The following IFI27 variants were observed in gnomAD, a reference collection of about 807,000 sequenced individuals.
The protein encoded by IFI27 is interferon alpha inducible protein 27.
A neutral mutation model predicts 8.9 loss-of-function variants in IFI27; 3 were observed. The observed-to-expected ratio is 0.34, with a 90% CI of 0.15 to 0.87. The LOEUF is 0.87. Ranked by LOEUF, IFI27 falls within the 40% of genes least tolerant of loss-of-function variation. The pLI, the probability that IFI27 is intolerant of heterozygous loss-of-function variation, is 0.51. For missense variants in IFI27, 152 were observed against 157.7 expected (o/e 0.96, Z 0.19); for synonymous variants, 66 against 67.3 (o/e 0.98, Z 0.09).
upstream of IFI27, among the ~76,000 whole-genome samples, chr14:94,109,936 G>A (rs1381555699): frequency 2.0e-5 from 3 of 152,210 alleles, no homozygotes; most frequent in Non-Finnish European, 4.4e-5. Context: ...CCCCAAAAAG[G>A]TATAGATGAT....
chr14:94,115,212 G>A (rs893661661), intron 3 of IFI27: 2 of 630,692 alleles, frequency 3.2e-6, no homozygotes, highest in East Asian at 3.3e-5. Context: ...GAAAAGGCTG[G>A]TAATGCCCAT....
rs921243716 is a variant in IFI27 at position 94,111,392 on chromosome 14, G to GC, written c.-58-227dup. Among the ~76,000 whole-genome samples the GC allele has an allele frequency of 5.9e-5, 9 of 152,126 alleles. No individual in the cohort carries two copies. Among genetic ancestry groups the GC allele is most frequent in the African/African-American group, 2.2e-4 (9 of 41,410 alleles). Reference sequence around the variant, plus strand: ...TGGGACTTTCAGGAGAAAGAAAGCAGCCCCCCTGGGGAAATAAAGTCCCTC... The same window carrying GC: ...TGGGACTTTCAGGAGAAAGAAAGCAGCCCCCCCTGGGGAAATAAAGTCCCTC... On this transcript the variant is annotated intron_variant, in intron 1 of 4. Coordinates refer to ENST00000621160, the Ensembl canonical transcript of IFI27. The surrounding 1 kb of genome is among the most constrained non-coding windows in gnomAD (Gnocchi z 4.3).
In IFI27 at chr14:94,111,579, C is replaced by A; in HGVS notation, c.-58-46C>A. On this transcript the variant is annotated intron_variant, in intron 1 of 4. Coordinates refer to ENST00000621160, the Ensembl canonical transcript of IFI27. This position sits in a 1 kb window ranked among gnomAD's most constrained non-coding sequence, Gnocchi z 4.3. ...TTTTTCAGGACAGTGGGAAGCAAGT[C>A]AGGTTGTGTGCCCATCCCGTCCTCA... 2 of 892,110 alleles carry A rather than the reference C, an allele frequency of 2.2e-6. No homozygotes were observed. Among genetic ancestry groups the A allele is most frequent in the South Asian group, 1.4e-5 (1 of 71,490 alleles). The allele number at this position is 892,110 out of a possible 1,614,324, so 55.3% of individuals were successfully genotyped here.
chr14:94,114,768 C>T (rs746471200), intron 2 of IFI27, 83 bp from the exon 3 acceptor site: 40 of 1,490,248 alleles, frequency 2.7e-5, no homozygotes, highest in Non-Finnish European at 3.6e-5. Flanking sequence ...AGCCCCCTGC[C>T]TCCCTTTAGA....
In IFI27 at chr14:94,116,481, G is replaced by T; in HGVS notation, c.323G>T (p.Gly108Val). ...TCCGGATTGACCAAGTTCATCCTGG[G>T]CTCCATTGGGTCTGCCATTGCGGCT... The change falls in exon 5 of 5, where the codon GGC becomes GTC. Residue 108 changes from glycine (G) to valine (V), a missense_variant. Physicochemically the swap from Gly to Val is moderately radical, Grantham distance 109 (BLOSUM62 -3). Coordinates refer to ENST00000621160, the Ensembl canonical transcript of IFI27. This position sits in a 1 kb window ranked among gnomAD's most constrained non-coding sequence, Gnocchi z 4.3. 1 of 1,613,550 alleles carries T rather than the reference G, an allele frequency of 6.2e-7. No homozygotes were observed. Among genetic ancestry groups the T allele is most frequent in the Non-Finnish European group, 8.5e-7 (1 of 1,179,836 alleles).
At chr14:94,108,393 G>A (rs1658440095), upstream of IFI27, among the ~76,000 whole-genome samples, 1 of 152,168 alleles carries the variant, frequency 6.6e-6, no homozygotes, top group Admixed American at 6.5e-5. Flanking sequence ...TATTGAAATT[G>A]TGTAGAACTG....
chr14:94,115,376 G>A (rs74536787), intron 3 of IFI27: 18,694 of 524,260 alleles, frequency 0.036, 555 homozygotes, highest in South Asian at 0.088. Flanking sequence ...TCTTTGAGCC[G>A]CTCTGAATGT....
rs1243945728 is a variant in IFI27, at chr14:94,116,075, G to T, written c.283+133G>T. ...GTCTCTCTCTACACATTCTCTCAGG[G>T]TTTCTCTGAGGGAGATGGAGGAGGG... On this transcript the variant is annotated intron_variant, in intron 4 of 4. Coordinates refer to ENST00000621160, the Ensembl canonical transcript of IFI27. This position sits in a 1 kb window ranked among gnomAD's most constrained non-coding sequence, Gnocchi z 4.3. 5 of 1,024,146 alleles carry T rather than the reference G, an allele frequency of 4.9e-6. No individual in the cohort carries two copies. Among genetic ancestry groups the T allele is most frequent in the African/African-American group, 3.2e-5 (2 of 63,404 alleles). The allele number at this position is 1,024,146 out of a possible 1,614,324, so 63.4% of individuals were successfully genotyped here.
chr14:94,112,824 T>G (rs1887242723), intron 2 of IFI27: 1 of 152,530 alleles, frequency 6.6e-6, no homozygotes, highest in Admixed American at 6.5e-5. Context: ...TAACTGGCCC[T>G]CGGCAACACA....
chr14:94,108,693 G>A (rs1302970436), upstream of IFI27, among the ~76,000 whole-genome samples: 3 of 151,762 alleles, frequency 2.0e-5, no homozygotes, highest in African/African-American at 4.8e-5. Flanking sequence ...AGTATAGATC[G>A]CCATCAGTGT....
chr14:94,111,812 A>T lies in IFI27; in HGVS notation c.91+39A>T. 6.6e-7 allele frequency: 1 copy of T among 1,507,402 alleles called. No homozygotes were observed. The highest frequency in any genetic ancestry group is 9.2e-7 in the Non-Finnish European group (1 of 1,083,114). 93.4% of individuals were successfully genotyped at this position (1,507,402 alleles called of 1,614,324 possible). On this transcript the variant is annotated intron_variant, in intron 2 of 4. Coordinates refer to ENST00000621160, the Ensembl canonical transcript of IFI27. The surrounding 1 kb of genome is among the most constrained non-coding windows in gnomAD (Gnocchi z 4.3). ...GGAGGGGCTGGTGCTGGGGGCGAGGAGGCGGCTGGGAAGGGCGGGGGTCCT... is the reference window on the plus strand; with the variant it reads ...GGAGGGGCTGGTGCTGGGGGCGAGGTGGCGGCTGGGAAGGGCGGGGGTCCT...
At chr14:94,112,044 A>C (rs1243009821) in intron 2 of IFI27, 1 of 561,058 alleles carries the variant, frequency 1.8e-6, no homozygotes, top group Non-Finnish European at 3.2e-6. Context: ...GAAAGGGTCT[A>C]TCTACCACTG....
chr14:94,109,102 G>A (rs570019765), upstream of IFI27, among the ~76,000 whole-genome samples: 13 of 151,914 alleles, frequency 8.6e-5, no homozygotes, highest in African/African-American at 2.2e-4. Context: ...GAGACCAGCC[G>A]GGCCAACATG....
chr14:94,114,751 C>A, intron 2 of IFI27, 100 bp from the exon 3 acceptor site: 2 of 1,309,204 alleles, frequency 1.5e-6, no homozygotes, highest in Non-Finnish European at 2.2e-6. Flanking sequence ...GGCTCCCAAC[C>A]TGGGGCAGCC....
chr14:94,111,789 AGGGGCTGGTGCTG>A lies in IFI27; in HGVS notation c.91+22_91+34del. ...TTGCCCCTGGGTGAGTGTTCCTGGG[AGGGGCTGGTGCTG>A]GGGGCGAGGAGGCGGCTGGGAAGGG... On this transcript the variant is annotated intron_variant, in intron 2 of 4. Transcript: ENST00000621160. This position sits in a 1 kb window ranked among gnomAD's most constrained non-coding sequence, Gnocchi z 4.3. 6.3e-7 allele frequency: 1 copy of A among 1,599,472 alleles called. No homozygotes were observed. Among genetic ancestry groups the A allele is most frequent in the Non-Finnish European group, 8.6e-7 (1 of 1,166,942 alleles).
At position 94,111,171 on chromosome 14, in the gene IFI27, G is replaced by A. The variant is rs1312734996; in HGVS notation, c.-59+374G>A. Among the ~76,000 whole-genome samples the A allele has an allele frequency of 2.0e-5, 3 of 152,170 alleles. No individual in the cohort carries two copies. The highest frequency in any genetic ancestry group is 1.9e-4 in the East Asian group (1 of 5,190). On this transcript the variant is annotated intron_variant, in intron 1 of 4. Coordinates refer to ENST00000621160, the Ensembl canonical transcript of IFI27. The surrounding 1 kb of genome is among the most constrained non-coding windows in gnomAD (Gnocchi z 4.3). ...GGAGCAAATCACTGAGCCAGATCGC[G>A]CTCCCTCATCTGTAACATGCGGAGG...
exon 4 of IFI27, chr14:94,115,848 G>T: frequency 6.2e-7 from 1 of 1,602,196 alleles, no homozygotes; most frequent in Non-Finnish European, 8.5e-7. Context: ...GAATCGCCTC[G>T]TCCTCCATAG....
chr14:94,109,404 G>GGGCAAGGGAAA (rs1555440639), upstream of IFI27, among the ~76,000 whole-genome samples: 24 of 146,264 alleles, frequency 1.6e-4, no homozygotes, highest in African/African-American at 4.7e-4. Context: ...GCAAGGGCAA[G>GGGCAAGGGAAA]GGAAAGGAAA....
intron 3 of IFI27, 133 bp from the exon 4 acceptor site, chr14:94,115,648 C>T (rs1887361400): frequency 9.0e-6 from 8 of 885,032 alleles, no homozygotes; most frequent in Non-Finnish European, 1.0e-5. Context: ...GCCTATTGGC[C>T]GTGCCCATAG....
Sources: gnomAD v4.1 joint callset for allele counts (sites outside exome capture counted in the v4.1 genomes callset) on GRCh38, gnomAD v4.1.1 for gene constraint, Gnocchi (gnomAD v3.1) non-coding constraint, MANE v1.5 for transcripts, NCBI Gene and HGNC (gene_info 2026-07-23, HGNC 2026-07-21) for gene names.